Variants in SF1 observed in about 807,000 individuals in gnomAD.
The protein encoded by SF1 is splicing factor 1, also known as branch point-binding protein.
A neutral mutation model predicts 62.5 loss-of-function variants in SF1; 7 were observed. That is an observed-to-expected ratio of 0.11 (90% CI 0.06 to 0.21). The LOEUF is 0.21. SF1 is among the 10% of genes least tolerant of loss of function. SF1 has a pLI of 1.00. For missense variants in SF1, 578 were observed against 884.0 expected (o/e 0.65, Z 4.39); for synonymous variants, 394 against 323.6 (o/e 1.22, Z -2.33).
rs1257752391 is a variant in SF1 at position 64,778,165 on chromosome 11, G to A, written c.31+197C>T. Reference sequence around the variant, plus strand: ...GCGGCGGCTGCTGGGGAGGCGGAGGGGGCGGCGGCGGAGGCGGCGGAGGCA... The same window carrying A: ...GCGGCGGCTGCTGGGGAGGCGGAGGAGGCGGCGGCGGAGGCGGCGGAGGCA... On this transcript the variant is annotated intron_variant, in intron 1 of 12. Coordinates refer to ENST00000377390, the MANE Select transcript of SF1 (RefSeq NM_004630.4). 28 of 898,724 alleles carry A rather than the reference G, an allele frequency of 3.1e-5. No individual in the cohort carries two copies. The East Asian group carries it at 1.1e-3, about 36-fold the overall frequency. The allele number at this position is 898,724 out of a possible 1,614,324, so 55.7% of individuals were successfully genotyped here. A position where few individuals can be genotyped will look rare whatever the true frequency, so the allele number is the denominator to read the frequency against.
In SF1 at chr11:64,768,082, A is replaced by G. The variant is rs776168989; in HGVS notation, c.1068+24T>C. 3.1e-6 allele frequency: 5 copies of G among 1,596,512 alleles called. No individual in the cohort carries two copies. In the Admixed American group the frequency reaches 8.9e-5, roughly 28 times the overall value. Reference sequence around the variant, plus strand: ...CAGTAGAGAATGGGGAAGCCAGACCAAGAGAGCCAGCCCCCAGGCTCACCG... The same window carrying G: ...CAGTAGAGAATGGGGAAGCCAGACCGAGAGAGCCAGCCCCCAGGCTCACCG... On this transcript the variant is annotated intron_variant, in intron 9 of 12. Transcript: ENST00000377390.
At chr11:64,777,861 C>G in intron 1 of SF1, 1 of 937,672 alleles carries the variant, frequency 1.1e-6, no homozygotes, top group Non-Finnish European at 1.3e-6. Flanking sequence ...GGCGCCTCCG[C>G]CCGGGCCTCC....
At chr11:64,774,640 G>T (rs927454312) in intron 2 of SF1, among the ~76,000 whole-genome samples, 14 of 152,110 alleles carry the variant, frequency 9.2e-5, no homozygotes, top group African/African-American at 3.4e-4. Context: ...CTAAAACCCT[G>T]AAGAAATGAA....
intron 2 of SF1, chr11:64,776,272 T>C: frequency 2.1e-6 from 1 of 478,654 alleles, no homozygotes; most frequent in Non-Finnish European, 3.8e-6. Flanking sequence ...AGTGAAACCC[T>C]ACCTTCCTGA....
intron 2 of SF1, among the ~76,000 whole-genome samples, chr11:64,774,976 A>G (rs1938940739): frequency 6.6e-6 from 1 of 151,966 alleles, no homozygotes; most frequent in Non-Finnish European, 1.5e-5. Flanking sequence ...AAAAAAAAAA[A>G]AAGATATTGA....
In SF1 at chr11:64,767,664, G is replaced by C. The variant is rs2058781240; in HGVS notation, c.1249C>G (p.Pro417Ala). 3.7e-6 allele frequency: 6 copies of C among 1,607,130 alleles called. No individual in the cohort carries two copies. The highest frequency in any genetic ancestry group is 5.1e-6 in the Non-Finnish European group (6 of 1,176,590). The change falls in exon 10 of 13, where the codon CCC becomes GCC. Residue 417 changes from proline (P) to alanine (A), a missense_variant. Physicochemically the swap from Pro to Ala is conservative, Grantham distance 27 (BLOSUM62 -1). Coordinates refer to ENST00000377390, the MANE Select transcript of SF1 (RefSeq NM_004630.4). ...ATCCAAGGGGGTGGGGGTCCATTGG[G>C]GTTGTGCTGCATGGGATGTCCACCA... ...GHGGHPMQHNPNGPPPPWMQP... is the reference protein window; with the variant it reads ...GHGGHPMQHNANGPPPPWMQP...
chr11:64,770,960 G>A (rs1177075230), intron 3 of SF1, among the ~76,000 whole-genome samples: 1 of 152,190 alleles, frequency 6.6e-6, no homozygotes, highest in Non-Finnish European at 1.5e-5. Flanking sequence ...GAGATGGTTC[G>A]CTTCGTCTTT....
rs745996813 is a variant in SF1, at chr11:64,778,429, C to T, written c.-37G>A. On this transcript the variant is annotated 5_prime_UTR_variant, in exon 1 of 13. Transcript: ENST00000377390. ...GGACAGGCACCGGCACCTGCTTTTCCTCTGCGGCGGCTTCTCCTTCGCAAG... is the reference window on the plus strand; with the variant it reads ...GGACAGGCACCGGCACCTGCTTTTCTTCTGCGGCGGCTTCTCCTTCGCAAG... 1,948 of 1,222,852 alleles carry T rather than the reference C, an allele frequency of 1.6e-3. 2 individuals carry two copies. The highest frequency in any genetic ancestry group is 1.8e-3 in the Non-Finnish European group (1,809 of 981,050). The allele number at this position is 1,222,852 out of a possible 1,614,324, so 75.8% of individuals were successfully genotyped here. A position where few individuals can be genotyped will look rare whatever the true frequency, so the allele number is the denominator to read the frequency against.
intron 4 of SF1, 60 bp from the exon 5 acceptor site, chr11:64,770,113 T>C (rs1938069374): frequency 6.3e-7 from 1 of 1,577,162 alleles, no homozygotes; most frequent in Non-Finnish European, 8.7e-7. Flanking sequence ...CCAGCGGCTT[T>C]TCTAAAACCA....
rs538873749 is a variant in SF1, at chr11:64,777,793, TC to T, written c.31+568del. ...AGAGCGCCTCCCGCCCGCCCAGCCC[TC>T]CCCCCACAGCGCGCGTGCGCACTCG... is the stretch of plus-strand genomic sequence containing the variant. On this transcript the variant is annotated intron_variant, in intron 1 of 12. Transcript: ENST00000377390. 307 of 298,660 alleles carry T rather than the reference TC, an allele frequency of 1.0e-3. No homozygotes were observed. The African/African-American group carries it at 0.019, about 18-fold the overall frequency. 18.5% of individuals were successfully genotyped at this position (298,660 alleles called of 1,614,324 possible). A position where few individuals can be genotyped will look rare whatever the true frequency, so the allele number is the denominator to read the frequency against.
chr11:64,766,223 T>A, intron 12 of SF1, 68 bp from the exon 13 acceptor site: 1 of 1,026,404 alleles, frequency 9.7e-7, no homozygotes, highest in Non-Finnish European at 1.3e-6. Flanking sequence ...GGCTGCTGCC[T>A]TGGGATGGGG....
intron 2 of SF1, among the ~76,000 whole-genome samples, chr11:64,774,232 G>C (rs1349047747): frequency 6.6e-6 from 1 of 152,144 alleles, no homozygotes; most frequent in Non-Finnish European, 1.5e-5. Flanking sequence ...TTTGTTTTCA[G>C]GCTCACTGTT....
intron 12 of SF1, chr11:64,766,532 C>A: frequency 2.4e-6 from 1 of 424,244 alleles, no homozygotes; most frequent in South Asian, 3.5e-5. Flanking sequence ...TCTGCAGTCT[C>A]TCACCCCAAT....
chr11:64,778,341 G>A, intron 1 of SF1, 21 bp downstream of exon 1: 1 of 1,226,150 alleles, frequency 8.2e-7, no homozygotes, highest in Non-Finnish European at 1.0e-6. Flanking sequence ...AGCGGGGGCA[G>A]CCCGGGGGGG....
chr11:64,776,556 T>G lies in SF1; in HGVS notation c.102A>C (p.Pro34=). 1 of 1,581,422 alleles carries G rather than the reference T, an allele frequency of 6.3e-7. No homozygotes were observed. Among genetic ancestry groups the G allele is most frequent in the Non-Finnish European group, 8.6e-7 (1 of 1,167,716 alleles). Residue 34 remains proline, a synonymous_variant, in exon 2 of 13, where the codon CCA becomes CCC. Coordinates refer to ENST00000377390, the MANE Select transcript of SF1 (RefSeq NM_004630.4). ...CAGGGGGAATAACTGTAGGCATTCC[T>G]GGAATCACTGTCTTCTGTTCCATTG... ...QDTMEQKTVI[P]GMPTVIPPGL...
Position 64,768,110 on chromosome 11 carries a change from G to A in SF1, c.1064C>T (p.Pro355Leu). ...AGAGCCAGCCCCCAGGCTCACCGGT[G>A]GAGGTGGGTTGTTGGCGGGAGCAGC... ...RPAAPANNPP[P>L]PSLMSTTQSR... The change falls in exon 9 of 13, where the codon CCA becomes CTA. Residue 355 changes from proline (P) to leucine (L), a missense_variant. This residue lies in a region of SF1 where 410 missense variants were observed against 452.4 expected (regional missense o/e 0.91). Transcript: ENST00000377390. The A allele has an allele frequency of 1.9e-6, 3 of 1,609,428 alleles. No homozygotes were observed. The highest frequency in any genetic ancestry group is 2.5e-6 in the Non-Finnish European group (3 of 1,177,722).
chr11:64,770,919 T>C (rs1403971945), intron 3 of SF1, among the ~76,000 whole-genome samples: 1 of 152,214 alleles, frequency 6.6e-6, no homozygotes. Context: ...GACTGAAGGC[T>C]ACTGCAGCTA....
chr11:64,770,407 A>C lies in SF1; in HGVS notation c.238T>G (p.Ser80Ala). ...TTGTAGATGGGCTCAGGGGAAGGGGACCTGTGGGAAACAGACTCCCGTTTA... is the reference window on the plus strand; with the variant it reads ...TTGTAGATGGGCTCAGGGGAAGGGGCCCTGTGGGAAACAGACTCCCGTTTA... ...LGIPPNPEDRSPSPEPIYNSE... is the reference protein window; with the variant it reads ...LGIPPNPEDRAPSPEPIYNSE... The change falls in exon 4 of 13, where the codon TCC becomes GCC. Residue 80 changes from serine (S) to alanine (A), a missense_variant and splice_region_variant. By Grantham distance (99) the Ser-to-Ala change is moderately conservative. Coordinates refer to ENST00000377390, the MANE Select transcript of SF1 (RefSeq NM_004630.4). 6.2e-7 allele frequency: 1 copy of C among 1,610,944 alleles called. No homozygotes were observed. Among genetic ancestry groups the C allele is most frequent in the South Asian group, 1.1e-5 (1 of 91,018 alleles).
chr11:64,773,187 T>A (rs665362), intron 3 of SF1: 6 of 1,340,668 alleles, frequency 4.5e-6, no homozygotes, highest in Non-Finnish European at 5.7e-6. Flanking sequence ...TGCTTACCAA[T>A]TGGAAACCAG....
Sources: allele counts gnomAD v4.1 joint callset (sites outside exome capture counted in the v4.1 genomes callset), GRCh38; gene constraint gnomAD v4.1.1; regional missense constraint gnomAD v4.1.1; transcripts MANE v1.5; gene names NCBI Gene and HGNC (gene_info 2026-07-23, HGNC 2026-07-21).